Variants in JARID2 observed in about 807,000 individuals in gnomAD.
JARID2 encodes jumonji and AT-rich interaction domain containing 2.
A neutral mutation model predicts 125.6 loss-of-function variants in JARID2; 21 were observed. The ratio of observed to expected loss-of-function variants is 0.17; its 90% CI spans 0.12 to 0.24. The LOEUF (loss-of-function observed/expected upper bound fraction) is 0.24. JARID2 is among the 10% of genes least tolerant of loss of function. The pLI is 1.00. For missense variants in JARID2, 1,303 were observed against 1,639.6 expected (o/e 0.79, Z 3.55); for synonymous variants, 736 against 661.6 (o/e 1.11, Z -1.73).
chr6:15,403,942 C>T (rs768076027), intron 2 of JARID2, among the ~76,000 whole-genome samples: 3 of 152,024 alleles, frequency 2.0e-5, no homozygotes, highest in Admixed American at 6.5e-5. Context: ...TTTTCTTGAC[C>T]GGAATGGGAA....
At chr6:15,399,491 C>CTG (rs149254141) in intron 2 of JARID2, among the ~76,000 whole-genome samples, 2,018 of 150,866 alleles carry the variant, frequency 0.013, 22 homozygotes, top group African/African-American at 0.031. Flanking sequence ...TTCGTGATGT[C>CTG]TGTGTGTGTG....
intron 2 of JARID2, among the ~76,000 whole-genome samples, chr6:15,381,630 C>T (rs780639108): frequency 2.1e-4 from 32 of 152,148 alleles, no homozygotes; most frequent in Middle Eastern, 3.2e-3. Context: ...TGTGGAAAGG[C>T]GAGAAGGCTT....
At chr6:15,404,519 GCACACACACACACACA>G (rs3138770) in intron 2 of JARID2, among the ~76,000 whole-genome samples, 7,787 of 138,306 alleles carry the variant, frequency 0.056, 264 homozygotes, top group South Asian at 0.14. Flanking sequence ...ATCTTAAAGT[GCACACACACACACACA>G]CACACACACA....
At chr6:15,276,707 A>T (rs1760535148) in intron 1 of JARID2, among the ~76,000 whole-genome samples, 1 of 152,112 alleles carries the variant, frequency 6.6e-6, no homozygotes, top group African/African-American at 2.4e-5. Context: ...TGTTATGGAA[A>T]TAACAGTCTC....
At chr6:15,348,531 A>G (rs1292646293) in intron 1 of JARID2, among the ~76,000 whole-genome samples, 3 of 152,232 alleles carry the variant, frequency 2.0e-5, no homozygotes, top group Non-Finnish European at 4.4e-5. Flanking sequence ...TCATAAGCTC[A>G]TAGAAATGCT....
chr6:15,313,826 C>A (rs1393348798), intron 1 of JARID2, among the ~76,000 whole-genome samples: 2 of 152,168 alleles, frequency 1.3e-5, no homozygotes, highest in Admixed American at 1.3e-4. Flanking sequence ...ATACATTTGT[C>A]ATCTAAACCT....
chr6:15,416,519 C>T (rs1036064562), intron 3 of JARID2, among the ~76,000 whole-genome samples: 1 of 152,116 alleles, frequency 6.6e-6, no homozygotes, highest in Non-Finnish European at 1.5e-5. Flanking sequence ...AACCCCGTCT[C>T]CACCAAAAAA....
intron 1 of JARID2, among the ~76,000 whole-genome samples, chr6:15,307,705 G>A (rs983098161): frequency 6.6e-6 from 1 of 152,064 alleles, no homozygotes; most frequent in Non-Finnish European, 1.5e-5. Flanking sequence ...GAGAAATTTT[G>A]TATGTTTCTG....
At chr6:15,415,600 C>A (rs1173929574) in intron 3 of JARID2, among the ~76,000 whole-genome samples, 1 of 145,054 alleles carries the variant, frequency 6.9e-6, no homozygotes, top group African/African-American at 2.6e-5. Flanking sequence ...GGGGGCTGAC[C>A]CCTCCACCTC....
chr6:15,447,795 C>T (rs1369354550), intron 3 of JARID2, among the ~76,000 whole-genome samples: 1 of 152,256 alleles, frequency 6.6e-6, no homozygotes, highest in Admixed American at 6.5e-5. Context: ...TCACCTTTCT[C>T]CTCGTGCTTG....
intron 1 of JARID2, among the ~76,000 whole-genome samples, chr6:15,330,082 T>C (rs1762657820): frequency 6.6e-6 from 1 of 152,242 alleles, no homozygotes; most frequent in Non-Finnish European, 1.5e-5. Flanking sequence ...ATATGTGCTC[T>C]AGGAGTGAAT....
chr6:15,490,870 A>C (rs2127723923), intron 6 of JARID2, among the ~76,000 whole-genome samples: 1 of 152,356 alleles, frequency 6.6e-6, no homozygotes, highest in African/African-American at 2.4e-5. Context: ...TGTGGTTTGT[A>C]AGCCAGGATA....
intron 3 of JARID2, among the ~76,000 whole-genome samples, chr6:15,419,329 A>T (rs922028221): frequency 6.6e-6 from 1 of 152,242 alleles, no homozygotes; most frequent in African/African-American, 2.4e-5. Flanking sequence ...GAAAGTAAAG[A>T]AAAATTGAGT....
chr6:15,399,056 C>T (rs1028709146), intron 2 of JARID2, among the ~76,000 whole-genome samples: 12 of 152,172 alleles, frequency 7.9e-5, no homozygotes, highest in African/African-American at 2.4e-4. Context: ...AGTCATCCCC[C>T]GAATGTCCTT....
chr6:15,275,136 G>C (rs2127361396), intron 1 of JARID2, among the ~76,000 whole-genome samples: 1 of 152,304 alleles, frequency 6.6e-6, no homozygotes, highest in East Asian at 1.9e-4. Context: ...AGCAGGAAGA[G>C]CTGTTTGATC....
At chr6:15,282,760 C>T (rs1760805736) in intron 1 of JARID2, among the ~76,000 whole-genome samples, 2 of 152,046 alleles carry the variant, frequency 1.3e-5, no homozygotes, top group African/African-American at 2.4e-5. Flanking sequence ...CGCCACCATG[C>T]TCAGCTAATT....
chr6:15,448,275 T>C (rs1424154835), intron 3 of JARID2, among the ~76,000 whole-genome samples: 1 of 152,194 alleles, frequency 6.6e-6, no homozygotes, highest in African/African-American at 2.4e-5. Context: ...ACTGGGAAAG[T>C]CATTAGGCAC....
At chr6:15,493,491 G>A (rs1005917680) in intron 6 of JARID2, among the ~76,000 whole-genome samples, 1 of 152,168 alleles carries the variant, frequency 6.6e-6, no homozygotes, top group African/African-American at 2.4e-5. Context: ...GCCGCACTGT[G>A]TCCGTCTCCT....
intron 3 of JARID2, among the ~76,000 whole-genome samples, chr6:15,421,061 C>CT (rs767455771): frequency 1.3e-5 from 2 of 152,166 alleles, no homozygotes; most frequent in Non-Finnish European, 2.9e-5. Context: ...CTGCTGTGCT[C>CT]TGCCTTACAC....
Sources: gnomAD v4.1 joint callset for allele counts (sites outside exome capture counted in the v4.1 genomes callset) on GRCh38, gnomAD v4.1.1 for gene constraint, MANE v1.5 for transcripts, NCBI Gene and HGNC (gene_info 2026-07-23, HGNC 2026-07-21) for gene names.